LAMB1: variants seen among roughly 807,000 people sequenced by gnomAD.
The protein encoded by LAMB1 is laminin subunit beta-1.
In LAMB1, 121 loss-of-function variants were observed where a neutral mutation model predicts 222.3. The observed-to-expected ratio is 0.54, with a 90% CI of 0.47 to 0.63. LAMB1 has a LOEUF of 0.63. LAMB1 is among the 30% of genes least tolerant of loss of function. LAMB1 has a pLI of 0.00. For missense variants in LAMB1, 2,172 were observed against 2,240.8 expected (o/e 0.97, Z 0.62); for synonymous variants, 794 against 807.2 (o/e 0.98, Z 0.28).
chr7:107,934,130 TTCA>T (rs1355815120), intron 27 of LAMB1, among the ~76,000 whole-genome samples: 1 of 152,200 alleles, frequency 6.6e-6, no homozygotes, highest in Non-Finnish European at 1.5e-5. Context: ...TTCTTTTTTC[TTCA>T]TCTTTTATTT....
chr7:107,992,975 C>T (rs1317267393), intron 5 of LAMB1, among the ~76,000 whole-genome samples: 1 of 152,102 alleles, frequency 6.6e-6, no homozygotes, highest in Non-Finnish European at 1.5e-5. Context: ...ATTCCTCTTC[C>T]CATTTACCAA....
chr7:107,998,557 A>C, intron 3 of LAMB1, 65 bp from the exon 4 acceptor site: 1 of 1,409,024 alleles, frequency 7.1e-7, no homozygotes, highest in South Asian at 1.3e-5. Flanking sequence ...TTAATTAAAA[A>C]AACCCCATGA....
intron 7 of LAMB1, among the ~76,000 whole-genome samples, chr7:107,985,069 C>A (rs1353074867): frequency 2.6e-5 from 4 of 152,164 alleles, no homozygotes; most frequent in South Asian, 4.1e-4. Flanking sequence ...CCAATATATA[C>A]CCTAATATAC....
At chr7:107,956,396 T>C (rs2033377058) in intron 20 of LAMB1, among the ~76,000 whole-genome samples, 1 of 152,216 alleles carries the variant, frequency 6.6e-6, no homozygotes, top group Non-Finnish European at 1.5e-5. Flanking sequence ...GAGTTTCTGA[T>C]TCAGTAGGTC....
intron 22 of LAMB1, among the ~76,000 whole-genome samples, 168 bp downstream of exon 22, chr7:107,953,359 TAAA>T (rs11368241): frequency 3.5e-5 from 5 of 143,940 alleles, no homozygotes; most frequent in African/African-American, 2.6e-5. Context: ...TCTGTCTCAT[TAAA>T]AAAAAAAAAA....
Position 107,927,967 on chromosome 7 carries a change from G to A in LAMB1, c.4887+1097C>T, listed in dbSNP as rs115846011. 3.0e-3 allele frequency among the ~76,000 whole-genome samples: 453 copies of A among 152,262 alleles called. 3 individuals carry two copies. Among genetic ancestry groups the A allele is most frequent in the African/African-American group, 0.011 (439 of 41,560 alleles). ...TGAGAAGGCTGACAATGCTGGGTAT[G>A]GGAGCATTTAATTTCAAAGTATATT... On this transcript the variant is annotated intron_variant, in intron 31 of 33. Coordinates refer to ENST00000222399, the MANE Select transcript of LAMB1 (RefSeq NM_002291.3).
chr7:107,976,570 C>T (rs2150439630), intron 9 of LAMB1, among the ~76,000 whole-genome samples: 1 of 152,284 alleles, frequency 6.6e-6, no homozygotes, highest in Middle Eastern at 3.4e-3. Context: ...CCTCCTGAGC[C>T]TCTGCACTCC....
chr7:107,994,338 A>T (rs561539838), intron 5 of LAMB1, among the ~76,000 whole-genome samples: 51 of 152,316 alleles, frequency 3.3e-4, no homozygotes, highest in African/African-American at 1.1e-3. Flanking sequence ...GAACTGTAAA[A>T]CTGTTCCTTA....
intron 4 of LAMB1, among the ~76,000 whole-genome samples, chr7:107,997,292 A>C (rs1055090849): frequency 3.3e-5 from 5 of 152,110 alleles, no homozygotes; most frequent in Non-Finnish European, 1.5e-5. Flanking sequence ...GCGTGGTGAC[A>C]TGTGCCTGTA....
At chr7:107,995,719 T>TC (rs112239944) in intron 4 of LAMB1, among the ~76,000 whole-genome samples, 9 of 152,262 alleles carry the variant, frequency 5.9e-5, no homozygotes, top group African/African-American at 2.2e-4. Flanking sequence ...AAGCACCTCC[T>TC]CCCCAGTCCC....
intron 3 of LAMB1, among the ~76,000 whole-genome samples, chr7:108,000,575 C>T (rs2034363212): frequency 6.6e-6 from 1 of 152,186 alleles, no homozygotes; most frequent in Admixed American, 6.5e-5. Flanking sequence ...ACAGGGTCTC[C>T]CTTTGTTGAT....
At chr7:108,002,757 C>CA in intron 2 of LAMB1, 92 bp downstream of exon 2, 6 of 1,558,118 alleles carry the variant, frequency 3.9e-6, no homozygotes, top group Non-Finnish European at 5.3e-6. Context: ...CCCAAGCCCC[C>CA]AGGATCCCAC....
Position 107,959,724 on chromosome 7 carries a change from C to G in LAMB1, c.2425G>C (p.Gly809Arg). ...VGRTCNRCAP[G>R]TFGFGPSGCK... ...CCACTGGGGCCAAAGCCAAAAGTTC[C>G]AGGTGCACATCTGTTGCAGGTTCTT... The change falls in exon 19 of 34, where the codon GGA (glycine) becomes CGA (arginine). Residue 809 changes from glycine (G) to arginine (R), a missense_variant. By Grantham distance (125) the Gly-to-Arg change is moderately radical (BLOSUM62 -2). Transcript: ENST00000222399. The G allele has an allele frequency of 6.2e-7, 1 of 1,614,210 alleles. No homozygotes were observed. The highest frequency in any genetic ancestry group is 1.1e-5 in the South Asian group (1 of 91,084).
chr7:107,965,977 A>C (rs1254383535), intron 13 of LAMB1, among the ~76,000 whole-genome samples: 1 of 151,812 alleles, frequency 6.6e-6, no homozygotes, highest in African/African-American at 2.4e-5. Context: ...ACACACCTGT[A>C]ATCTCAGCTA....
At chr7:107,998,547 T>C in intron 3 of LAMB1, 55 bp from the exon 4 acceptor site, 2 of 1,511,734 alleles carry the variant, frequency 1.3e-6, no homozygotes, top group Non-Finnish European at 1.8e-6. Context: ...AAAAACATTT[T>C]TAATTAAAAA....
rs150558785 is a variant in LAMB1 at position 107,993,290 on chromosome 7, C to A, written c.423+1597G>T. Among the ~76,000 whole-genome samples the A allele has an allele frequency of 3.9e-5, 6 of 152,150 alleles. 1 individual carries two copies. Among genetic ancestry groups the A allele is most frequent in the Admixed American group, 3.3e-4 (5 of 15,264 alleles). The stretch of plus-strand genomic sequence containing the variant: ...CTGGGACTACAGGCGCGTGCCACCA[C>A]GCCTGGCTAATTTTTGTATTTTCAG... On this transcript the variant is annotated intron_variant, in intron 5 of 33. Transcript: ENST00000222399.
chr7:107,993,948 G>A (rs1320680683), intron 5 of LAMB1, among the ~76,000 whole-genome samples: 1 of 152,138 alleles, frequency 6.6e-6, no homozygotes, highest in East Asian at 1.9e-4. Context: ...GTTGCATTCT[G>A]ACTCCCACAC....
chr7:107,980,457 C>T, intron 8 of LAMB1, 152 bp downstream of exon 8: 1 of 608,108 alleles, frequency 1.6e-6, no homozygotes, highest in Non-Finnish European at 2.9e-6. Flanking sequence ...AGAAAATCAA[C>T]AATCAGCTAC....
intron 8 of LAMB1, 95 bp from the exon 9 acceptor site, chr7:107,978,262 T>C (rs2033907458): frequency 1.4e-5 from 19 of 1,349,776 alleles, no homozygotes; most frequent in Non-Finnish European, 1.9e-5. Context: ...CCCTTTTTCA[T>C]ACTAATCTCT....
Sources: gnomAD v4.1 joint callset for allele counts (sites outside exome capture counted in the v4.1 genomes callset) on GRCh38, gnomAD v4.1.1 for gene constraint, MANE v1.5 for transcripts, NCBI Gene and HGNC (gene_info 2026-07-23, HGNC 2026-07-21) for gene names.